PPM1L: variants seen among roughly 807,000 people sequenced by gnomAD.
PPM1L encodes the protein protein phosphatase, Mg2+/Mn2+ dependent 1L.
Under a neutral mutation model 31.4 loss-of-function variants are expected in PPM1L, and 13 were observed. That is an observed-to-expected ratio of 0.41 (90% CI 0.27 to 0.66). PPM1L has a LOEUF of 0.66. Among genes scored for constraint, PPM1L ranks in the 30% least tolerant of loss-of-function variants. PPM1L has a pLI of 0.29. For synonymous variants in PPM1L, 184 were observed against 175.4 expected (o/e 1.05, Z -0.39); for missense variants, 326 against 453.7 (o/e 0.72, Z 2.56).
intron 1 of PPM1L, among the ~76,000 whole-genome samples, chr3:160,907,799 C>T (rs114114897): frequency 0.013 from 1,917 of 152,266 alleles, 39 homozygotes; most frequent in African/African-American, 0.044. Flanking sequence ...GAACATATGA[C>T]GGAGGGAATG....
At chr3:161,028,157 C>T (rs1019709077) in intron 2 of PPM1L, among the ~76,000 whole-genome samples, 1 of 152,104 alleles carries the variant, frequency 6.6e-6, no homozygotes, top group Non-Finnish European at 1.5e-5. Flanking sequence ...ACAAGGCTTA[C>T]CGGGTGATTT....
At chr3:160,849,502 G>C (rs1271042933) in intron 1 of PPM1L, among the ~76,000 whole-genome samples, 3 of 151,534 alleles carry the variant, frequency 2.0e-5, no homozygotes, top group Admixed American at 2.0e-4. Flanking sequence ...CTCACTGCAA[G>C]CTCCACCTCC....
At chr3:161,018,752 AC>A (rs2108070008) in intron 2 of PPM1L, among the ~76,000 whole-genome samples, 1 of 152,346 alleles carries the variant, frequency 6.6e-6, no homozygotes, top group Admixed American at 6.5e-5. Flanking sequence ...AAACAAATTA[AC>A]CATCTTACTT....
At chr3:160,913,414 A>G (rs1247472729) in intron 1 of PPM1L, among the ~76,000 whole-genome samples, 1 of 152,164 alleles carries the variant, frequency 6.6e-6, no homozygotes, top group Non-Finnish European at 1.5e-5. Context: ...ATTGAGGCAT[A>G]ATTTATCCAC....
intron 1 of PPM1L, among the ~76,000 whole-genome samples, chr3:160,826,489 G>A (rs1242909210): frequency 6.6e-6 from 1 of 152,130 alleles, no homozygotes; most frequent in Non-Finnish European, 1.5e-5. Context: ...TGAATATGGA[G>A]ATATATTAAT....
intron 1 of PPM1L, among the ~76,000 whole-genome samples, chr3:160,836,443 G>T (rs754265003): frequency 7.9e-5 from 12 of 152,122 alleles, no homozygotes; most frequent in Admixed American, 7.2e-4. Context: ...TAGCAAGAAG[G>T]CTCTTGTGCT....
At chr3:160,862,672 A>AC (rs1343486485) in intron 1 of PPM1L, among the ~76,000 whole-genome samples, 1 of 140,698 alleles carries the variant, frequency 7.1e-6, no homozygotes, top group Admixed American at 7.0e-5. Context: ...GCACACACAC[A>AC]CACACACACA....
At chr3:161,044,320 G>A (rs1576802961) in intron 2 of PPM1L, among the ~76,000 whole-genome samples, 3 of 151,942 alleles carry the variant, frequency 2.0e-5, no homozygotes, top group South Asian at 2.1e-4. Flanking sequence ...GGTTACAGAC[G>A]TGAGCCACTG....
intron 1 of PPM1L, among the ~76,000 whole-genome samples, chr3:160,913,082 A>G (rs1478802406): frequency 6.6e-6 from 1 of 152,172 alleles, no homozygotes; most frequent in Non-Finnish European, 1.5e-5. Flanking sequence ...TGAAGATGGT[A>G]TATGAATTTT....
chr3:161,047,425 C>A (rs868857209), intron 2 of PPM1L, among the ~76,000 whole-genome samples: 3 of 152,016 alleles, frequency 2.0e-5, no homozygotes, highest in South Asian at 2.1e-4. Context: ...CACTGCTCAA[C>A]AAAATAAAAG....
chr3:160,785,252 A>T (rs1560106411), intron 1 of PPM1L, among the ~76,000 whole-genome samples: 1 of 152,196 alleles, frequency 6.6e-6, no homozygotes, highest in East Asian at 1.9e-4. Context: ...ATTTCTTAGA[A>T]TATTTTGAGT....
intron 1 of PPM1L, among the ~76,000 whole-genome samples, chr3:160,916,842 C>T (rs976033197): frequency 2.6e-5 from 4 of 152,042 alleles, no homozygotes; most frequent in African/African-American, 9.7e-5. Flanking sequence ...GAGTCAGGCC[C>T]TCCAAATAGG....
At chr3:161,004,630 A>G (rs1195556016) in intron 2 of PPM1L, among the ~76,000 whole-genome samples, 12 of 149,350 alleles carry the variant, frequency 8.0e-5, no homozygotes, top group Non-Finnish European at 1.5e-5. Context: ...ATTTGCATAG[A>G]GGTGTTTGTA....
chr3:160,756,941 G>C lies in PPM1L; in HGVS notation c.399+234G>C, dbSNP rs1217659346. Among the ~76,000 whole-genome samples, 2 of 152,042 alleles carry C rather than the reference G, an allele frequency of 1.3e-5. No homozygotes were observed. Among genetic ancestry groups the C allele is most frequent in the African/African-American group, 2.4e-5 (1 of 41,386 alleles). On this transcript the variant is annotated intron_variant, in intron 1 of 3. Transcript: ENST00000498165. This position sits in a 1 kb window ranked among gnomAD's most constrained non-coding sequence, Gnocchi z 6.2. ...TTCTTGGTGCTGAGGGTCCACTTTA[G>C]GGAAAGGAGAGTCATCCACAGCATA...
intron 1 of PPM1L, among the ~76,000 whole-genome samples, chr3:160,827,892 G>A (rs1283700849): frequency 6.6e-6 from 1 of 152,086 alleles, no homozygotes; most frequent in African/African-American, 2.4e-5. Context: ...GAGGCCTCAT[G>A]GAACTTTTAC....
intron 2 of PPM1L, among the ~76,000 whole-genome samples, chr3:160,963,563 A>G (rs1716036434): frequency 6.6e-6 from 1 of 152,120 alleles, no homozygotes. Flanking sequence ...GAGCCAAGAA[A>G]TAGTGGAAAT....
chr3:160,905,310 G>A (rs1421059963), intron 1 of PPM1L, among the ~76,000 whole-genome samples: 2 of 152,052 alleles, frequency 1.3e-5, no homozygotes, highest in Non-Finnish European at 2.9e-5. Flanking sequence ...TTTTGCCAAT[G>A]GTAATTCTTA....
intron 1 of PPM1L, among the ~76,000 whole-genome samples, chr3:160,865,887 T>C (rs1712069513): frequency 6.6e-6 from 1 of 152,246 alleles, no homozygotes; most frequent in African/African-American, 2.4e-5. Context: ...TTAATACTCA[T>C]TAAGTAGTGG....
At chr3:161,054,536 A>G (rs1719361090) in intron 2 of PPM1L, among the ~76,000 whole-genome samples, 1 of 152,136 alleles carries the variant, frequency 6.6e-6, no homozygotes, top group African/African-American at 2.4e-5. Flanking sequence ...TGGAGATGGT[A>G]GTAAAGGGTC....
Sources: gnomAD v4.1 joint callset for allele counts (sites outside exome capture counted in the v4.1 genomes callset) on GRCh38, gnomAD v4.1.1 for gene constraint, Gnocchi (gnomAD v3.1) non-coding constraint, MANE v1.5 for transcripts, NCBI Gene and HGNC (gene_info 2026-07-23, HGNC 2026-07-21) for gene names.